Variants in KIAA1328 observed in about 807,000 individuals in gnomAD.
KIAA1328 encodes KIAA1328, also known as protein hinderin.
In KIAA1328, 52 loss-of-function variants were observed where a neutral mutation model predicts 68.1. The observed-to-expected ratio is 0.76, with a 90% CI of 0.61 to 0.96. KIAA1328 has a LOEUF of 0.96. KIAA1328 is among the 40% of genes least tolerant of loss of function. KIAA1328 has a pLI of 0.00. For missense variants in KIAA1328, 641 were observed against 677.6 expected, an observed-to-expected ratio of 0.95 and a Z score of 0.60; for synonymous variants, 232 against 239.4, an observed-to-expected ratio of 0.97 and a Z score of 0.28.
chr18:36,987,448 C>T (rs2052979358), intron 6 of KIAA1328, among the ~76,000 whole-genome samples: 1 of 143,938 alleles, frequency 6.9e-6, no homozygotes. Context: ...AACTAACCTG[C>T]ACATTGTGCA....
At chr18:37,152,000 A>T (rs1404971137) in intron 7 of KIAA1328, among the ~76,000 whole-genome samples, 2 of 149,400 alleles carry the variant, frequency 1.3e-5, no homozygotes, top group East Asian at 2.1e-4. Flanking sequence ...GAGCTTCCTT[A>T]GGAGTAGCCC....
At chr18:37,209,482 G>A (rs370811123) in intron 9 of KIAA1328, among the ~76,000 whole-genome samples, 10 of 152,158 alleles carry the variant, frequency 6.6e-5, no homozygotes, top group African/African-American at 9.7e-5. Flanking sequence ...GTGTGTGTGT[G>A]TGTATTGAGT....
chr18:36,839,911 C>T (rs2046802096), intron 3 of KIAA1328, among the ~76,000 whole-genome samples: 3 of 152,120 alleles, frequency 2.0e-5, no homozygotes, highest in Non-Finnish European at 2.9e-5. Flanking sequence ...TGGGCTCTTT[C>T]CCCGGGATGA....
At chr18:37,217,956 T>G (rs2060479424) in intron 9 of KIAA1328, among the ~76,000 whole-genome samples, 1 of 152,220 alleles carries the variant, frequency 6.6e-6, no homozygotes, top group Non-Finnish European at 1.5e-5. Flanking sequence ...TGAGACAAAT[T>G]AAGAGTCCTT....
Position 37,222,467 on chromosome 18 carries a change from A to C in KIAA1328, c.*240A>C. 7.5e-7 allele frequency: 1 copy of C among 1,334,638 alleles called. No individual in the cohort carries two copies. Among genetic ancestry groups the C allele is most frequent in the Non-Finnish European group, 9.6e-7 (1 of 1,041,092 alleles). The allele number at this position is 1,334,638 out of a possible 1,614,324, so 82.7% of individuals were successfully genotyped here. A position where few individuals can be genotyped will look rare whatever the true frequency, so the allele number is the denominator to read the frequency against. ...GAAGATGGTATCTTTTATATGCTAA[A>C]CAGATTAGAAAATTAACATAGGATA... On this transcript the variant is annotated 3_prime_UTR_variant, in exon 10 of 10. Coordinates refer to ENST00000280020, the MANE Select transcript of KIAA1328 (RefSeq NM_020776.3).
chr18:36,950,314 AT>A (rs376160507), intron 5 of KIAA1328, among the ~76,000 whole-genome samples: 63 of 152,330 alleles, frequency 4.1e-4, no homozygotes, highest in African/African-American at 1.4e-3. Flanking sequence ...TAAAGGCCAC[AT>A]TGTCTATTTA....
chr18:37,128,768 A>C (rs1199250046), intron 7 of KIAA1328, among the ~76,000 whole-genome samples: 1 of 152,226 alleles, frequency 6.6e-6, no homozygotes, highest in Non-Finnish European at 1.5e-5. Context: ...TCAACTGGCA[A>C]ATGTATAATA....
At position 37,222,353 on chromosome 18, in the gene KIAA1328, T is replaced by C. The variant is rs906747327; in HGVS notation, c.*126T>C. 2.6e-5 allele frequency: 38 copies of C among 1,471,888 alleles called. No individual in the cohort carries two copies. The East Asian group carries it at 9.1e-4, about 35-fold the overall frequency. The allele number at this position is 1,471,888 out of a possible 1,614,324, so 91.2% of individuals were successfully genotyped here. On this transcript the variant is annotated 3_prime_UTR_variant, in exon 10 of 10. Coordinates refer to ENST00000280020, the MANE Select transcript of KIAA1328 (RefSeq NM_020776.3). ...GGGGACTTGTCTCACTAGCATCCTG[T>C]TACGTATTGAATATAGAAATCATTC... is the stretch of plus-strand genomic sequence containing the variant.
chr18:37,185,584 G>C (rs1024848684), intron 9 of KIAA1328, among the ~76,000 whole-genome samples: 1 of 152,088 alleles, frequency 6.6e-6, no homozygotes, highest in Non-Finnish European at 1.5e-5. Context: ...CTATCAGCAA[G>C]ACTACTTATA....
At chr18:36,878,627 C>T (rs1477066549) in intron 4 of KIAA1328, among the ~76,000 whole-genome samples, 4 of 152,098 alleles carry the variant, frequency 2.6e-5, no homozygotes, top group African/African-American at 9.7e-5. Context: ...TGGTTCCATT[C>T]CCCCCATCAC....
At chr18:37,060,695 A>T (rs1375012182) in intron 6 of KIAA1328, among the ~76,000 whole-genome samples, 1 of 152,226 alleles carries the variant, frequency 6.6e-6, no homozygotes, top group African/African-American at 2.4e-5. Flanking sequence ...GCAAAAACGC[A>T]ATTACTTTTG....
intron 7 of KIAA1328, among the ~76,000 whole-genome samples, chr18:37,079,262 T>C (rs2056861989): frequency 9.0e-6 from 1 of 110,862 alleles, no homozygotes; most frequent in Admixed American, 8.9e-5. Flanking sequence ...TTCTCACTCT[T>C]AGGTGGGAAT....
chr18:36,911,561 T>C (rs4799891), intron 5 of KIAA1328, among the ~76,000 whole-genome samples: 90,771 of 151,898 alleles, frequency 0.6, 28,913 homozygotes, highest in East Asian at 0.87. Flanking sequence ...TTTTTTAAAC[T>C]ACTTTACTTT....
chr18:36,966,738 T>C (rs2051955309), intron 6 of KIAA1328, among the ~76,000 whole-genome samples: 1 of 152,178 alleles, frequency 6.6e-6, no homozygotes, highest in South Asian at 2.1e-4. Flanking sequence ...GCAAGACGTA[T>C]ACACTGAAGA....
At chr18:37,116,357 C>T (rs1412431082) in intron 7 of KIAA1328, among the ~76,000 whole-genome samples, 2 of 152,148 alleles carry the variant, frequency 1.3e-5, no homozygotes, top group Non-Finnish European at 2.9e-5. Flanking sequence ...AATAATACCA[C>T]ACATCTACAA....
intron 6 of KIAA1328, among the ~76,000 whole-genome samples, chr18:37,047,608 C>T (rs2055526838): frequency 6.6e-6 from 1 of 152,140 alleles, no homozygotes; most frequent in African/African-American, 2.4e-5. Flanking sequence ...TCACATATAC[C>T]TTTATTATTA....
rs558651249 is a variant in KIAA1328, at chr18:37,158,022, T to C, written c.1233-2178T>C. Among the ~76,000 whole-genome samples, 17 of 151,928 alleles carry C rather than the reference T, an allele frequency of 1.1e-4. No homozygotes were observed. In the South Asian group the frequency reaches 2.5e-3, roughly 22 times the overall value. On this transcript the variant is annotated intron_variant, in intron 7 of 9. Coordinates refer to ENST00000280020, the MANE Select transcript of KIAA1328 (RefSeq NM_020776.3). ...AATTCTGCAGGAGAAATTCCTTTTT[T>C]TTTCTTTCTTTCTTTCTTTCTTTTT...
rs11877341 is a variant in KIAA1328, at chr18:37,007,413, A to G, written c.576+47978A>G. Among the ~76,000 whole-genome samples the G allele has an allele frequency of 5.9e-3, 892 of 152,262 alleles. 7 individuals are homozygous for G. Among genetic ancestry groups the G allele is most frequent in the African/African-American group, 0.021 (858 of 41,566 alleles). On this transcript the variant is annotated intron_variant, in intron 6 of 9. Transcript: ENST00000280020. ...GTTGTCATCACTCATGCTTATTTTA[A>G]TATCAGTATAGTGCTTGTGAAGGTT...
chr18:37,030,315 A>G (rs937378602), intron 6 of KIAA1328, among the ~76,000 whole-genome samples: 1 of 152,080 alleles, frequency 6.6e-6, no homozygotes, highest in Admixed American at 6.5e-5. Flanking sequence ...TAAAGCTATA[A>G]ATTTCCCTCT....
Sources: allele counts gnomAD v4.1 joint callset (sites outside exome capture counted in the v4.1 genomes callset), GRCh38; gene constraint gnomAD v4.1.1; transcripts MANE v1.5; gene names NCBI Gene and HGNC (gene_info 2026-07-23, HGNC 2026-07-21).